The following CACNB2 variants were observed in gnomAD, a reference collection of about 807,000 sequenced individuals.
CACNB2 encodes the protein voltage-dependent L-type calcium channel subunit beta-2.
Under a neutral mutation model 73.3 loss-of-function variants are expected in CACNB2, and 42 were observed. That is an observed-to-expected ratio of 0.57 (90% CI 0.45 to 0.74). The LOEUF (loss-of-function observed/expected upper bound fraction) is 0.74, where lower values mean the gene tolerates loss of function less well. Among genes scored for constraint, CACNB2 ranks in the 30% least tolerant of loss-of-function variants. CACNB2 has a pLI of 0.00. For synonymous variants in CACNB2, 348 were observed against 310.3 expected, an observed-to-expected ratio of 1.12 and a Z score of -1.28; for missense variants, 940 against 853.0, an observed-to-expected ratio of 1.10 and a Z score of -1.27.
In CACNB2 at chr10:18,527,838, TCTTA is replaced by T. The variant is rs1322495373; in HGVS notation, c.1054+144_1054+147del. 8 of 690,940 alleles carry T rather than the reference TCTTA, an allele frequency of 1.2e-5. 1 individual carries two copies. The highest frequency in any genetic ancestry group is 4.1e-5 in the Admixed American group (2 of 48,606). 42.8% of individuals were successfully genotyped at this position (690,940 alleles called of 1,614,324 possible). On this transcript the variant is annotated intron_variant, in intron 10 of 13. Coordinates refer to ENST00000324631, the MANE Select transcript of CACNB2 (RefSeq NM_201596.3). ...GTGCTGCCAGTCGCTGTTGCTATGG[TCTTA>T]CTGATTTCATGGTGTGGAAGGATTT...
chr10:18,524,858 C>T (rs1352645111), intron 9 of CACNB2, among the ~76,000 whole-genome samples: 2 of 136,982 alleles, frequency 1.5e-5, no homozygotes, highest in African/African-American at 2.7e-5. Context: ...GGCCCTGTTT[C>T]TACTAAAAAA....
intron 3 of CACNB2, among the ~76,000 whole-genome samples, chr10:18,412,122 G>T (rs139482206): frequency 2.3e-4 from 35 of 152,250 alleles, no homozygotes; most frequent in African/African-American, 8.4e-4. Context: ...GCTGGCTAGG[G>T]TTCGCATGCT....
chr10:18,397,570 C>T (rs989158698), intron 2 of CACNB2, among the ~76,000 whole-genome samples: 1 of 151,870 alleles, frequency 6.6e-6, no homozygotes, highest in African/African-American at 2.4e-5. Flanking sequence ...CAAAAATTAG[C>T]CGAGTGTGGT....
At chr10:18,162,127 C>T (rs967566107) in intron 2 of CACNB2, among the ~76,000 whole-genome samples, 6 of 151,976 alleles carry the variant, frequency 3.9e-5, no homozygotes, top group Admixed American at 3.9e-4. Context: ...AATTATATAC[C>T]TAAGTCAGTA....
intron 3 of CACNB2, among the ~76,000 whole-genome samples, chr10:18,432,699 G>C (rs1360062975): frequency 6.6e-6 from 1 of 152,048 alleles, no homozygotes; most frequent in Non-Finnish European, 1.5e-5. Context: ...AGCCCAGCAT[G>C]GTGGAGTGTA....
At chr10:18,261,036 A>T in intron 2 of CACNB2, 1 of 1,378,196 alleles carries the variant, frequency 7.3e-7, no homozygotes, top group Non-Finnish European at 9.4e-7. Context: ...AGAAGATCTC[A>T]AATTACGCCC....
At chr10:18,233,676 G>A (rs2036311620) in intron 2 of CACNB2, among the ~76,000 whole-genome samples, 1 of 152,136 alleles carries the variant, frequency 6.6e-6, no homozygotes, top group African/African-American at 2.4e-5. Context: ...AGTGCTAGTA[G>A]GTAGGTATTG....
In CACNB2 at chr10:18,539,296, G is replaced by C; in HGVS notation, c.1555G>C (p.Glu519Gln). 2 of 1,613,976 alleles carry C rather than the reference G, an allele frequency of 1.2e-6. No individual in the cohort carries two copies. The highest frequency in any genetic ancestry group is 1.7e-6 in the Non-Finnish European group (2 of 1,179,996). ...CCGTTCTGCTTCCCAAGCTGAAGAAGAACCTAGTGTGGAACCAGTCAAGAA... is the reference window on the plus strand; with the variant it reads ...CCGTTCTGCTTCCCAAGCTGAAGAACAACCTAGTGTGGAACCAGTCAAGAA... ...PIRSASQAEE[E>Q]PSVEPVKKSQ... Residue 519 changes from glutamate to glutamine, a missense_variant, in exon 14 of 14, where the codon GAA becomes CAA. By Grantham distance (29) the Glu-to-Gln change is conservative. Coordinates refer to ENST00000324631, the MANE Select transcript of CACNB2 (RefSeq NM_201596.3).
At chr10:18,458,960 T>C (rs2047424113) in intron 3 of CACNB2, among the ~76,000 whole-genome samples, 1 of 152,012 alleles carries the variant, frequency 6.6e-6, no homozygotes, top group Non-Finnish European at 1.5e-5. Context: ...AGATGGGTTT[T>C]CACCATGTTG....
At chr10:18,169,767 C>T (rs949599277) in intron 2 of CACNB2, among the ~76,000 whole-genome samples, 2 of 152,140 alleles carry the variant, frequency 1.3e-5, no homozygotes, top group African/African-American at 4.8e-5. Flanking sequence ...CCAGAATTTC[C>T]CTATGCTGAT....
rs368771542 is a variant in CACNB2, at chr10:18,315,772, A to C, written c.214-86152A>C. ...ATATTCCACTATCCAAAAAATAAAG[A>C]AGAAAATAAGTTCTGATGTGTAGCG... On this transcript the variant is annotated intron_variant, in intron 2 of 13. Coordinates refer to ENST00000324631, the MANE Select transcript of CACNB2 (RefSeq NM_201596.3). Among the ~76,000 whole-genome samples, 10 of 152,224 alleles carry C rather than the reference A, an allele frequency of 6.6e-5. No individual in the cohort carries two copies. In the East Asian group the frequency reaches 1.2e-3, roughly 18 times the overall value.
At chr10:18,514,178 T>C in intron 6 of CACNB2, 58 bp from the exon 7 acceptor site, 1 of 1,580,952 alleles carries the variant, frequency 6.3e-7, no homozygotes, top group Non-Finnish European at 8.7e-7. Context: ...CATTTTATTT[T>C]CTTTATAACC....
intron 2 of CACNB2, among the ~76,000 whole-genome samples, chr10:18,246,677 C>T (rs2036872960): frequency 6.6e-6 from 1 of 152,164 alleles, no homozygotes; most frequent in South Asian, 2.1e-4. Context: ...AACTCCTGGG[C>T]TCAAGTGATC....
chr10:18,348,794 T>G (rs891526614), intron 2 of CACNB2, among the ~76,000 whole-genome samples: 1 of 152,170 alleles, frequency 6.6e-6, no homozygotes, highest in Non-Finnish European at 1.5e-5. Context: ...TGAGCCACTG[T>G]GCCCAGATAC....
At chr10:18,213,374 CTG>C (rs2035394079) in intron 2 of CACNB2, among the ~76,000 whole-genome samples, 1 of 152,182 alleles carries the variant, frequency 6.6e-6, no homozygotes, top group Non-Finnish European at 1.5e-5. Context: ...TTGTGCATAA[CTG>C]TGAATCACAG....
intron 10 of CACNB2, among the ~76,000 whole-genome samples, chr10:18,530,681 C>T (rs1236379545): frequency 6.6e-6 from 1 of 152,172 alleles, no homozygotes; most frequent in Non-Finnish European, 1.5e-5. Context: ...ATATTGCTTT[C>T]ACACTCTTAT....
At chr10:18,400,950 C>T in intron 2 of CACNB2, 1 of 1,605,662 alleles carries the variant, frequency 6.2e-7, no homozygotes, top group Non-Finnish European at 8.5e-7. Flanking sequence ...AGGAAAGGAG[C>T]TGGGGTTCTC....
At chr10:18,507,837 T>TCA (rs1471313780) in intron 6 of CACNB2, among the ~76,000 whole-genome samples, 4 of 152,236 alleles carry the variant, frequency 2.6e-5, no homozygotes, top group African/African-American at 7.2e-5. Flanking sequence ...ACACAGTGAC[T>TCA]GATGTGCTTT....
intron 7 of CACNB2, 119 bp downstream of exon 7, chr10:18,514,488 G>C: frequency 4.3e-6 from 7 of 1,614,024 alleles, no homozygotes; most frequent in Non-Finnish European, 5.9e-6. Flanking sequence ...TCTGTTATTT[G>C]TTTCTTTTCC....
Sources: allele counts gnomAD v4.1 joint callset (sites outside exome capture counted in the v4.1 genomes callset), GRCh38; gene constraint gnomAD v4.1.1; transcripts MANE v1.5; gene names NCBI Gene and HGNC (gene_info 2026-07-23, HGNC 2026-07-21).